Variants in NALCN observed in about 807,000 individuals in gnomAD.
NALCN encodes the protein sodium leak channel, non-selective, also known as sodium leak channel NALCN.
Under a neutral mutation model 225.3 loss-of-function variants are expected in NALCN, and 111 were observed. The observed-to-expected ratio is 0.49, with a 90% CI of 0.42 to 0.58. The LOEUF (loss-of-function observed/expected upper bound fraction) is 0.58. NALCN is among the 20% of genes least tolerant of loss of function. NALCN has a pLI of 0.00. For missense variants in NALCN, 1,378 were observed against 2,202.4 expected (o/e 0.63, Z 7.49); for synonymous variants, 764 against 769.0 (o/e 0.99, Z 0.11).
At chr13:101,387,185 C>T (rs2047014826) in intron 3 of NALCN, among the ~76,000 whole-genome samples, 2 of 134,576 alleles carry the variant, frequency 1.5e-5, no homozygotes, top group Admixed American at 1.8e-4. Flanking sequence ...TGCGCCACTG[C>T]AGTCCGCAGT....
intron 37 of NALCN, 68 bp from the exon 38 acceptor site, chr13:101,068,895 A>ATAGTT: frequency 6.8e-7 from 1 of 1,468,310 alleles, no homozygotes; most frequent in Non-Finnish European, 9.1e-7. Flanking sequence ...TTAGCTGACT[A>ATAGTT]TAGTTAATGA....
rs1327728123 is a variant in NALCN, at chr13:101,089,900, G to C, written c.3336C>G (p.Leu1112=). Residue 1112 remains leucine (L), a synonymous_variant, in exon 29 of 44, where the codon CTC becomes CTG. Coordinates refer to ENST00000251127, the MANE Select transcript of NALCN (RefSeq NM_052867.4). The surrounding 1 kb of genome is among the most constrained non-coding windows in gnomAD (Gnocchi z 4.7). ...TCACTTCCACCCAGCCTTTCAAGGA[G>C]AGAACTTCAAACAACGCCAGCATAG... ...GNAMLALFEV[L]SLKGWVEVRD... 6.2e-7 allele frequency: 1 copy of C among 1,614,062 alleles called. No individual in the cohort carries two copies. The highest frequency in any genetic ancestry group is 8.5e-7 in the Non-Finnish European group (1 of 1,179,940).
intron 14 of NALCN, among the ~76,000 whole-genome samples, chr13:101,190,150 T>C (rs2039625224): frequency 6.6e-6 from 1 of 152,218 alleles, no homozygotes; most frequent in Admixed American, 6.5e-5. Context: ...GAATCAAACA[T>C]ATATCTGAGT....
At chr13:101,106,416 C>A (rs565199834) in intron 22 of NALCN, among the ~76,000 whole-genome samples, 8 of 152,156 alleles carry the variant, frequency 5.3e-5, no homozygotes, top group Non-Finnish European at 1.0e-4. Context: ...TTTACTTAAA[C>A]GATGGCATCA....
In NALCN at chr13:101,068,717, G is replaced by A; in HGVS notation, c.4308C>T (p.Tyr1436=). ...TACCTACAAGCAGATTTAGCATGAT[G>A]TAGGCAATGATGACATAAAATGAAC... ...YFCSFYVIIA[Y]IMLNLLVAII... Residue 1436 remains tyrosine, a synonymous_variant, in exon 38 of 44, where the codon TAC becomes TAT. Coordinates refer to ENST00000251127, the MANE Select transcript of NALCN (RefSeq NM_052867.4). 2 of 1,608,256 alleles carry A rather than the reference G, an allele frequency of 1.2e-6. No homozygotes were observed. Among genetic ancestry groups the A allele is most frequent in the Non-Finnish European group, 1.7e-6 (2 of 1,177,714 alleles).
intron 6 of NALCN, among the ~76,000 whole-genome samples, chr13:101,367,439 A>G (rs2046408615): frequency 1.3e-5 from 2 of 152,080 alleles, no homozygotes; most frequent in African/African-American, 4.8e-5. Context: ...TTACTAATCA[A>G]TGCCTAAGGT....
intron 9 of NALCN, among the ~76,000 whole-genome samples, chr13:101,289,376 T>C (rs1406326711): frequency 1.3e-5 from 2 of 152,176 alleles, no homozygotes; most frequent in African/African-American, 4.8e-5. Flanking sequence ...GTGGTGACCA[T>C]TCAATTGAAA....
At chr13:101,200,728 A>G (rs757287341) in intron 13 of NALCN, among the ~76,000 whole-genome samples, 9 of 152,160 alleles carry the variant, frequency 5.9e-5, no homozygotes, top group Admixed American at 1.3e-4. Flanking sequence ...CCAAGAACCC[A>G]TTTCTGACCC....
chr13:101,125,998 C>G (rs1313836255), intron 17 of NALCN, among the ~76,000 whole-genome samples: 9 of 152,158 alleles, frequency 5.9e-5, no homozygotes, highest in Admixed American at 5.9e-4. Context: ...AATAGATCAC[C>G]TAGTTAGTTT....
intron 17 of NALCN, among the ~76,000 whole-genome samples, chr13:101,134,225 T>C (rs1047980938): frequency 5.3e-5 from 8 of 152,204 alleles, no homozygotes; most frequent in African/African-American, 1.9e-4. Flanking sequence ...TTCAATATCA[T>C]GTGTTCTGAA....
chr13:101,172,496 G>A (rs1229160124), intron 15 of NALCN, among the ~76,000 whole-genome samples: 1 of 152,072 alleles, frequency 6.6e-6, no homozygotes, highest in African/African-American at 2.4e-5. Flanking sequence ...CCTCTCCCCT[G>A]TATGAGGGCT....
chr13:101,179,869 G>A (rs942724875), intron 14 of NALCN, among the ~76,000 whole-genome samples: 6 of 152,106 alleles, frequency 3.9e-5, no homozygotes, highest in African/African-American at 9.7e-5. Flanking sequence ...CAAAGGCCAC[G>A]GGGGAGAATA....
intron 13 of NALCN, among the ~76,000 whole-genome samples, chr13:101,221,869 T>C (rs1381002075): frequency 3.3e-5 from 5 of 152,322 alleles, no homozygotes; most frequent in African/African-American, 1.2e-4. Context: ...TTCCTTGGAT[T>C]AGTGGGATAT....
intron 17 of NALCN, among the ~76,000 whole-genome samples, chr13:101,138,727 T>C (rs564211855): frequency 2.0e-4 from 30 of 152,212 alleles, no homozygotes; most frequent in Non-Finnish European, 3.4e-4. Context: ...GATGTCTCAC[T>C]TCGGAGAACA....
At chr13:101,094,075 T>G (rs1394615274) in intron 28 of NALCN, among the ~76,000 whole-genome samples, 1 of 152,212 alleles carries the variant, frequency 6.6e-6, no homozygotes, top group Non-Finnish European at 1.5e-5. Flanking sequence ...TTTTCTCCTG[T>G]AAGTGTGCAG....
intron 6 of NALCN, among the ~76,000 whole-genome samples, chr13:101,354,538 T>C (rs1371327742): frequency 6.6e-6 from 1 of 152,152 alleles, no homozygotes; most frequent in Non-Finnish European, 1.5e-5. Flanking sequence ...TGAGAATCTA[T>C]ATGTAAAGAG....
intron 11 of NALCN, among the ~76,000 whole-genome samples, chr13:101,245,866 C>T (rs560870198): frequency 6.6e-6 from 1 of 152,304 alleles, no homozygotes; most frequent in African/African-American, 2.4e-5. Context: ...TTTTCCCAAC[C>T]AGACACTTGC....
chr13:101,311,385 T>G (rs200719500), intron 7 of NALCN, among the ~76,000 whole-genome samples: 1 of 151,402 alleles, frequency 6.6e-6, no homozygotes, highest in South Asian at 2.1e-4. Context: ...TGGCCAGGAC[T>G]TCCAACATTA....
chr13:101,157,810 T>A (rs935661628), intron 15 of NALCN, among the ~76,000 whole-genome samples: 1 of 149,966 alleles, frequency 6.7e-6, no homozygotes, highest in Non-Finnish European at 1.5e-5. Flanking sequence ...TGGAGTGCAA[T>A]GGCGTGATCT....
Sources: allele counts gnomAD v4.1 joint callset (sites outside exome capture counted in the v4.1 genomes callset), GRCh38; gene constraint gnomAD v4.1.1; non-coding constraint Gnocchi (gnomAD v3.1); transcripts MANE v1.5; gene names NCBI Gene and HGNC (gene_info 2026-07-23, HGNC 2026-07-21).